The following SOAT1 variants were observed in gnomAD, a reference collection of about 807,000 sequenced individuals.
The protein encoded by SOAT1 is sterol O-acyltransferase 1.
Under a neutral mutation model 69.5 loss-of-function variants are expected in SOAT1, and 55 were observed. The ratio of observed to expected loss-of-function variants is 0.79; its 90% CI spans 0.64 to 0.99. SOAT1 has a LOEUF of 0.99. Among genes scored for constraint, SOAT1 ranks in the 50% least tolerant of loss-of-function variants. SOAT1 has a pLI of 0.00. For missense variants in SOAT1, 580 were observed against 669.3 expected, an observed-to-expected ratio of 0.87 and a Z score of 1.47; for synonymous variants, 231 against 224.7, an observed-to-expected ratio of 1.03 and a Z score of -0.25.
At chr1:179,324,931 T>C (rs1051972559) in intron 3 of SOAT1, among the ~76,000 whole-genome samples, 1 of 151,694 alleles carries the variant, frequency 6.6e-6, no homozygotes, top group African/African-American at 2.4e-5. Flanking sequence ...GCCTCCTGAG[T>C]AGCTGAGACT....
chr1:179,296,971 C>T (rs1664671043), intron 1 of SOAT1, among the ~76,000 whole-genome samples: 1 of 152,118 alleles, frequency 6.6e-6, no homozygotes, highest in South Asian at 2.1e-4. Flanking sequence ...CTTTTTCAAT[C>T]AGTGTGTTGT....
intron 11 of SOAT1, among the ~76,000 whole-genome samples, chr1:179,346,754 C>T (rs988737060): frequency 3.3e-5 from 5 of 152,082 alleles, no homozygotes; most frequent in African/African-American, 7.2e-5. Context: ...AACTAGATAC[C>T]AGTGGCACCA....
At position 179,356,727 on chromosome 1, in the gene SOAT1, C is replaced by T. The variant is rs1007397171; in HGVS notation, c.*3086C>T. On this transcript the variant is annotated 3_prime_UTR_variant, in exon 16 of 16. Transcript: ENST00000367619. The stretch of plus-strand genomic sequence containing the variant: ...TTTTGTTTTTAAAGAGACAGGGTCT[C>T]ACTCTGTTGCCCAGGCTGGTAGTAG... The T allele has an allele frequency of 3.9e-5, 6 of 152,000 alleles. No homozygotes were observed. Among genetic ancestry groups the T allele is most frequent in the Non-Finnish European group, 7.3e-5 (5 of 68,058 alleles). 9.4% of individuals were successfully genotyped at this position (152,000 alleles called of 1,614,324 possible). A position where few individuals can be genotyped will look rare whatever the true frequency, so the allele number is the denominator to read the frequency against.
chr1:179,297,056 G>A (rs1459368949), intron 1 of SOAT1, among the ~76,000 whole-genome samples: 1 of 152,152 alleles, frequency 6.6e-6, no homozygotes, highest in East Asian at 1.9e-4. Context: ...GAACAAGTTT[G>A]TTAGCATTTC....
intron 2 of SOAT1, among the ~76,000 whole-genome samples, chr1:179,303,373 T>C (rs1371657518): frequency 6.6e-6 from 1 of 152,184 alleles, no homozygotes; most frequent in African/African-American, 2.4e-5. Flanking sequence ...GTTGTTAAGG[T>C]CAAGGTTTAT....
At chr1:179,296,413 A>G (rs1664645018) in intron 1 of SOAT1, among the ~76,000 whole-genome samples, 1 of 152,200 alleles carries the variant, frequency 6.6e-6, no homozygotes, top group Non-Finnish European at 1.5e-5. Flanking sequence ...ACCAGGGAAG[A>G]GTCCCTTTTT....
chr1:179,335,951 G>A (rs928163291), intron 4 of SOAT1, among the ~76,000 whole-genome samples: 1 of 152,144 alleles, frequency 6.6e-6, no homozygotes, highest in Non-Finnish European at 1.5e-5. Context: ...CTGAGGTCAG[G>A]AGTTCAAGAT....
chr1:179,339,367 A>C lies in SOAT1; in HGVS notation c.390-71A>C, dbSNP rs1666255453. ...CAACTGCTTTAAGTTAACTGCTTTA[A>C]GAAAAGATTTTATGGTGTTTTAAAT... On this transcript the variant is annotated intron_variant, in intron 5 of 15. Transcript: ENST00000367619. 3 of 1,054,564 alleles carry C rather than the reference A, an allele frequency of 2.8e-6. No individual in the cohort carries two copies. In the Admixed American group the frequency reaches 7.4e-5, roughly 26 times the overall value. 65.3% of individuals were successfully genotyped at this position (1,054,564 alleles called of 1,614,324 possible). A position where few individuals can be genotyped will look rare whatever the true frequency, so the allele number is the denominator to read the frequency against.
At chr1:179,336,438 C>T (rs186200599) in intron 4 of SOAT1, among the ~76,000 whole-genome samples, 74 of 139,624 alleles carry the variant, frequency 5.3e-4, no homozygotes, top group African/African-American at 1.9e-3. Flanking sequence ...CATGCCACTG[C>T]ACTCCAGCCT....
intron 2 of SOAT1, among the ~76,000 whole-genome samples, chr1:179,314,472 T>C (rs1277848112): frequency 6.6e-6 from 1 of 152,120 alleles, no homozygotes; most frequent in African/African-American, 2.4e-5. Context: ...GACTGCTGAG[T>C]GGGGCCTGAT....
intron 2 of SOAT1, among the ~76,000 whole-genome samples, chr1:179,320,377 C>A (rs912358414): frequency 1.3e-5 from 2 of 151,504 alleles, no homozygotes; most frequent in African/African-American, 4.8e-5. Flanking sequence ...ACTCTCAGTT[C>A]TTTTACATTG....
At chr1:179,342,587 T>C (rs1666379870) in intron 8 of SOAT1, among the ~76,000 whole-genome samples, 1 of 152,182 alleles carries the variant, frequency 6.6e-6, no homozygotes, top group Non-Finnish European at 1.5e-5. Context: ...TATGGAATGT[T>C]AATAGCCTCA....
At chr1:179,306,122 G>A (rs12024137) in intron 2 of SOAT1, among the ~76,000 whole-genome samples, 34,014 of 152,038 alleles carry the variant, frequency 0.22, 4,626 homozygotes, top group East Asian at 0.38. Flanking sequence ...CTTTTAGAGA[G>A]GGTGACGGGT....
At chr1:179,326,550 C>CTTTTTTT (rs10568516) in intron 3 of SOAT1, among the ~76,000 whole-genome samples, 5 of 106,318 alleles carry the variant, frequency 4.7e-5, no homozygotes, top group Non-Finnish European at 7.8e-5. Flanking sequence ...AATTTCTTTT[C>CTTTTTTT]TTTTTTTTTT....
intron 11 of SOAT1, among the ~76,000 whole-genome samples, chr1:179,345,595 C>T (rs1441677513): frequency 1.3e-5 from 2 of 150,526 alleles, no homozygotes; most frequent in Admixed American, 6.9e-5. Context: ...TCGGGTCTCT[C>T]TTTGTCACCC....
intron 1 of SOAT1, among the ~76,000 whole-genome samples, chr1:179,302,273 C>T (rs763760759): frequency 1.3e-5 from 2 of 152,154 alleles, no homozygotes; most frequent in Non-Finnish European, 2.9e-5. Context: ...TCACGTAAGC[C>T]AGATGCTTAG....
chr1:179,308,759 A>G (rs1665115801), intron 2 of SOAT1, among the ~76,000 whole-genome samples: 1 of 151,350 alleles, frequency 6.6e-6, no homozygotes, highest in Non-Finnish European at 1.5e-5. Context: ...ATATATACTC[A>G]TTGAAAAAAT....
At chr1:179,323,734 G>A (rs1665686092) in intron 3 of SOAT1, among the ~76,000 whole-genome samples, 1 of 152,028 alleles carries the variant, frequency 6.6e-6, no homozygotes, top group Non-Finnish European at 1.5e-5. Context: ...AGCAAATCTT[G>A]GTTTTAGTGA....
At chr1:179,319,153 A>G (rs1260599539) in intron 2 of SOAT1, among the ~76,000 whole-genome samples, 1 of 151,088 alleles carries the variant, frequency 6.6e-6, no homozygotes, top group African/African-American at 2.4e-5. Context: ...GTGTGAAATG[A>G]TACCTCATTG....
Sources: allele counts gnomAD v4.1 joint callset (sites outside exome capture counted in the v4.1 genomes callset), GRCh38; gene constraint gnomAD v4.1.1; transcripts MANE v1.5; gene names NCBI Gene and HGNC (gene_info 2026-07-23, HGNC 2026-07-21).